The following RABGAP1L variants were observed in gnomAD, a reference collection of about 807,000 sequenced individuals.
RABGAP1L encodes rab GTPase-activating protein 1-like.
RABGAP1L carries 63 observed loss-of-function variants against 137.7 expected under a neutral mutation model. The ratio of observed to expected loss-of-function variants is 0.46; its 90% CI spans 0.37 to 0.56. The LOEUF is 0.56. RABGAP1L is among the 20% of genes least tolerant of loss of function. The pLI is 0.00. For synonymous variants in RABGAP1L, 431 were observed against 433.7 expected (o/e 0.99, Z 0.08); for missense variants, 1,095 against 1,244.0 (o/e 0.88, Z 1.80).
chr1:174,471,543 A>G (rs894925206), intron 13 of RABGAP1L, among the ~76,000 whole-genome samples: 6 of 152,216 alleles, frequency 3.9e-5, no homozygotes, highest in Non-Finnish European at 7.3e-5. Context: ...ACATATCCAA[A>G]TCGGAGCTAA....
chr1:174,880,166 T>C (rs1653939241), intron 19 of RABGAP1L, among the ~76,000 whole-genome samples: 1 of 152,148 alleles, frequency 6.6e-6, no homozygotes, highest in South Asian at 2.1e-4. Context: ...ATATACATAA[T>C]TTATGTTTTT....
intron 21 of RABGAP1L, among the ~76,000 whole-genome samples, chr1:174,970,761 G>A (rs922644591): frequency 4.6e-5 from 7 of 151,856 alleles, no homozygotes; most frequent in Non-Finnish European, 8.8e-5. Flanking sequence ...TAAAAAAAAT[G>A]TATATACAAG....
intron 13 of RABGAP1L, among the ~76,000 whole-genome samples, chr1:174,407,253 T>G (rs1339430029): frequency 1.3e-5 from 2 of 152,126 alleles, no homozygotes; most frequent in African/African-American, 4.8e-5. Flanking sequence ...TTTGATTGCT[T>G]CATGAATCTG....
intron 10 of RABGAP1L, among the ~76,000 whole-genome samples, chr1:174,296,278 A>C (rs1447998306): frequency 6.6e-6 from 1 of 152,206 alleles, no homozygotes; most frequent in African/African-American, 2.4e-5. Flanking sequence ...ATTGCAGTTG[A>C]TTTAGCGTTA....
intron 13 of RABGAP1L, among the ~76,000 whole-genome samples, chr1:174,636,974 A>T (rs1002478202): frequency 1.3e-5 from 2 of 152,218 alleles, no homozygotes; most frequent in Non-Finnish European, 2.9e-5. Flanking sequence ...CTATATCCAG[A>T]TATACCTTAT....
At chr1:174,258,882 ATCCTCCTGCC>A (rs2148621805) in intron 7 of RABGAP1L, among the ~76,000 whole-genome samples, 1 of 152,060 alleles carries the variant, frequency 6.6e-6, no homozygotes, top group South Asian at 2.1e-4. Context: ...GGGTCAGGCT[ATCCTCCTGCC>A]TCAGCCTCCC....
intron 12 of RABGAP1L, among the ~76,000 whole-genome samples, chr1:174,382,936 C>A (rs1020783436): frequency 6.6e-6 from 1 of 150,904 alleles, no homozygotes; most frequent in Non-Finnish European, 1.5e-5. Flanking sequence ...TACTTTTGGT[C>A]TTTGATGATG....
At chr1:174,939,930 A>G (rs1245855618) in intron 19 of RABGAP1L, among the ~76,000 whole-genome samples, 1 of 152,252 alleles carries the variant, frequency 6.6e-6, no homozygotes, top group Non-Finnish European at 1.5e-5. Context: ...TGAGACAGTA[A>G]GAATATGTGT....
At chr1:174,728,594 C>CTTTTTTT (rs1294397296) in intron 17 of RABGAP1L, among the ~76,000 whole-genome samples, 4 of 114,642 alleles carry the variant, frequency 3.5e-5, no homozygotes, top group African/African-American at 6.6e-5. Context: ...CTACCAGTGT[C>CTTTTTTT]TTTTTTTTTT....
intron 19 of RABGAP1L, chr1:174,849,643 A>G (rs1194904051): frequency 1.5e-5 from 6 of 394,860 alleles, no homozygotes; most frequent in Non-Finnish European, 2.5e-5. Context: ...GATGAGAAGT[A>G]CACTTAGGAA....
At position 174,216,692 on chromosome 1, in the gene RABGAP1L, AACT is replaced by A. The variant is rs1457998431; in HGVS notation, c.-33-2429_-33-2427del. The stretch of plus-strand genomic sequence containing the variant: ...TATATAATTTTCTTTCTGTCTGAAG[AACT>A]ACTTTTAATCTTTCTTTCAAGCCAG... On this transcript the variant is annotated intron_variant, in intron 1 of 25. Transcript: ENST00000681986. Among the ~76,000 whole-genome samples the A allele has an allele frequency of 9.9e-5, 15 of 151,784 alleles. 1 individual carries two copies. The highest frequency in any genetic ancestry group is 3.6e-4 in the African/African-American group (15 of 41,316).
intron 13 of RABGAP1L, among the ~76,000 whole-genome samples, chr1:174,427,473 C>G (rs775304023): frequency 3.9e-5 from 6 of 152,152 alleles, no homozygotes; most frequent in Non-Finnish European, 8.8e-5. Flanking sequence ...GGATTTCTGT[C>G]AAAGGTTCAG....
chr1:174,878,565 A>C (rs761794350), intron 19 of RABGAP1L, among the ~76,000 whole-genome samples: 1 of 152,138 alleles, frequency 6.6e-6, no homozygotes, highest in Non-Finnish European at 1.5e-5. Flanking sequence ...GTAACTTCTT[A>C]TTATATTTAA....
rs1660258406 is a variant in RABGAP1L at position 174,491,746 on chromosome 1, C to A, written c.1710+97601C>A. On this transcript the variant is annotated intron_variant, in intron 13 of 25. Coordinates refer to ENST00000681986, the MANE Select transcript of RABGAP1L (RefSeq NM_001366446.1). ...CCTGCAGTGGCAAGGCTTGCTGGAACTCAGATTTTGACTGCTCAGATGGGT... is the reference window on the plus strand; with the variant it reads ...CCTGCAGTGGCAAGGCTTGCTGGAAATCAGATTTTGACTGCTCAGATGGGT... 2.0e-5 allele frequency among the ~76,000 whole-genome samples: 3 copies of A among 152,286 alleles called. No homozygotes were observed. The South Asian group carries it at 6.2e-4, about 32-fold the overall frequency.
At chr1:174,598,931 C>G (rs1034811996) in intron 13 of RABGAP1L, among the ~76,000 whole-genome samples, 13 of 151,946 alleles carry the variant, frequency 8.6e-5, no homozygotes, top group African/African-American at 3.1e-4. Flanking sequence ...AACTAAGGAC[C>G]TACTCCTGCT....
intron 13 of RABGAP1L, among the ~76,000 whole-genome samples, chr1:174,609,642 T>G (rs1671041902): frequency 6.6e-6 from 1 of 152,186 alleles, no homozygotes; most frequent in Admixed American, 6.5e-5. Context: ...AATCTACTAC[T>G]TCAAGCTATT....
intron 13 of RABGAP1L, among the ~76,000 whole-genome samples, chr1:174,602,619 C>T (rs1374179285): frequency 1.2e-4 from 18 of 152,130 alleles, no homozygotes; most frequent in Non-Finnish European, 2.4e-4. Context: ...TGTAGGCATG[C>T]TCCATTGTTT....
intron 13 of RABGAP1L, among the ~76,000 whole-genome samples, chr1:174,536,435 A>G (rs1204537728): frequency 6.6e-6 from 1 of 152,134 alleles, no homozygotes; most frequent in African/African-American, 2.4e-5. Context: ...TGTGCTTTCT[A>G]TGAAATTTTG....
chr1:174,443,219 T>C (rs1654352136), intron 13 of RABGAP1L, among the ~76,000 whole-genome samples: 1 of 152,132 alleles, frequency 6.6e-6, no homozygotes, highest in African/African-American at 2.4e-5. Flanking sequence ...TGATTTCCTT[T>C]CTTTTGGATA....
Sources: allele counts gnomAD v4.1 joint callset (sites outside exome capture counted in the v4.1 genomes callset), GRCh38; gene constraint gnomAD v4.1.1; transcripts MANE v1.5; gene names NCBI Gene and HGNC (gene_info 2026-07-23, HGNC 2026-07-21).